ANKRD28: variants seen among roughly 807,000 people sequenced by gnomAD.
ANKRD28 encodes the protein serine/threonine-protein phosphatase 6 regulatory ankyrin repeat subunit A.
In ANKRD28, 44 loss-of-function variants were observed where a neutral mutation model predicts 126.5. That is an observed-to-expected ratio of 0.35 (90% CI 0.27 to 0.45). The LOEUF (loss-of-function observed/expected upper bound fraction) is 0.45. Ranked by LOEUF, ANKRD28 falls within the 20% of genes least tolerant of loss-of-function variation. ANKRD28 has a pLI of 1.00. For missense variants in ANKRD28, 1,110 were observed against 1,316.6 expected (o/e 0.84, Z 2.43); for synonymous variants, 442 against 468.5 (o/e 0.94, Z 0.73).
rs1329616286 is a variant in ANKRD28 at position 15,796,676 on chromosome 3, T to C, written c.-155A>G. On this transcript the variant is annotated 5_prime_UTR_variant, in exon 1 of 28. Coordinates refer to ENST00000683139, the MANE Select transcript of ANKRD28 (RefSeq NM_001349278.2). Reference sequence around the variant, plus strand: ...TTTTTTTAAAGTTAATAAGTACTACTGGAAAAACAAGTTTAAAATTATGAC... The same window carrying C: ...TTTTTTTAAAGTTAATAAGTACTACCGGAAAAACAAGTTTAAAATTATGAC... 1 of 977,826 alleles carries C rather than the reference T, an allele frequency of 1.0e-6. No individual in the cohort carries two copies. The highest frequency in any genetic ancestry group is 1.2e-6 in the Non-Finnish European group (1 of 816,186). 60.6% of individuals were successfully genotyped at this position (977,826 alleles called of 1,614,324 possible).
chr3:15,741,675 A>C (rs1274041267), intron 4 of ANKRD28, among the ~76,000 whole-genome samples: 1 of 122,468 alleles, frequency 8.2e-6, no homozygotes, highest in Non-Finnish European at 1.6e-5. Flanking sequence ...CCACAGTACC[A>C]GTTTTCCCCT....
Position 15,777,369 on chromosome 3 carries a change from A to G in ANKRD28, c.202-11057T>C, listed in dbSNP as rs191024243. On this transcript the variant is annotated intron_variant, in intron 2 of 27. Coordinates refer to ENST00000683139, the MANE Select transcript of ANKRD28 (RefSeq NM_001349278.2). ...CCCATGCCCCCTCCCCAAAGCATCAATTTGGTTCTACACGGAATCAGGAAT... is the reference window on the plus strand; with the variant it reads ...CCCATGCCCCCTCCCCAAAGCATCAGTTTGGTTCTACACGGAATCAGGAAT... Among the ~76,000 whole-genome samples, 10 of 152,270 alleles carry G rather than the reference A, an allele frequency of 6.6e-5. No homozygotes were observed. The East Asian group carries it at 1.7e-3, about 26-fold the overall frequency.
At chr3:15,707,881 T>G in intron 14 of ANKRD28, 43 bp downstream of exon 14, 1 of 1,578,006 alleles carries the variant, frequency 6.3e-7, no homozygotes, top group Non-Finnish European at 8.7e-7. Context: ...GATGCCAGTT[T>G]ATAGAAATAT....
intron 6 of ANKRD28, among the ~76,000 whole-genome samples, chr3:15,727,991 G>A (rs2125038790): frequency 6.6e-6 from 1 of 152,280 alleles, no homozygotes; most frequent in South Asian, 2.1e-4. Context: ...ACATGCTACA[G>A]AGAAATCTTT....
chr3:15,670,685 AACC>A, intron 27 of ANKRD28, 129 bp from the exon 28 acceptor site: 1 of 969,176 alleles, frequency 1.0e-6, no homozygotes, highest in Non-Finnish European at 1.5e-6. Context: ...AAATTGCTGT[AACC>A]AGCATGATTC....
chr3:15,814,509 A>AT lies in ANKRD28; in HGVS notation c.28-19204dup. Among the ~76,000 whole-genome samples the AT allele has an allele frequency of 6.6e-6, 1 of 152,252 alleles. No homozygotes were observed. Among genetic ancestry groups the AT allele is most frequent in the East Asian group, 1.9e-4 (1 of 5,188 alleles). On this transcript the variant is annotated intron_variant, in intron 1 of 27. Coordinates refer to the ANKRD28 transcript ENST00000399451. This position sits in a 1 kb window ranked among gnomAD's most constrained non-coding sequence, Gnocchi z 4.7. Reference sequence around the variant, plus strand: ...AAAATACTAATCTGGGCAACAAAACATTTTTTAAAGGCTTTCTTTATATAT... The same window carrying AT: ...AAAATACTAATCTGGGCAACAAAACATTTTTTTAAAGGCTTTCTTTATATAT...
intron 1 of ANKRD28, among the ~76,000 whole-genome samples, chr3:15,827,308 T>C (rs148512544): frequency 5.3e-5 from 8 of 152,214 alleles, no homozygotes; most frequent in African/African-American, 1.9e-4. Flanking sequence ...CAAAGAGATA[T>C]GTGCACTCAC....
chr3:15,755,456 T>G (rs1285123836), intron 3 of ANKRD28, among the ~76,000 whole-genome samples: 9 of 152,228 alleles, frequency 5.9e-5, no homozygotes, highest in Non-Finnish European at 1.3e-4. Context: ...GTGGGCTGTC[T>G]AAAGCTAAAT....
intron 2 of ANKRD28, among the ~76,000 whole-genome samples, chr3:15,772,932 C>A (rs1189350802): frequency 1.3e-5 from 2 of 152,110 alleles, no homozygotes; most frequent in South Asian, 2.1e-4. Flanking sequence ...AAATCTACAG[C>A]TGACAGGTAA....
At chr3:15,728,292 G>T (rs1195467391) in intron 6 of ANKRD28, among the ~76,000 whole-genome samples, 1 of 151,472 alleles carries the variant, frequency 6.6e-6, no homozygotes, top group Non-Finnish European at 1.5e-5. Flanking sequence ...AACATATTTT[G>T]TAATTAATTA....
chr3:15,735,490 T>C lies in ANKRD28; in HGVS notation c.560A>G (p.Lys187Arg). The change falls in exon 6 of 28, where the codon AAA (lysine) becomes AGA (arginine). Residue 187 changes from lysine (K) to arginine (R), a missense_variant. Physicochemically the swap from Lys to Arg is conservative, Grantham distance 26 (BLOSUM62 2). Transcript: ENST00000683139. ...AAFSGHGEMV[K>R]LLLSRGANIN... ...ATTGGCACCTCTAGACAAGAGTAGT[T>C]TGACCATCTGGAATAGAAGTAAACA... The C allele has an allele frequency of 6.4e-7, 1 of 1,553,206 alleles. No homozygotes were observed. The highest frequency in any genetic ancestry group is 8.7e-7 in the Non-Finnish European group (1 of 1,147,502).
chr3:15,699,467 G>A (rs1156684653), intron 14 of ANKRD28, among the ~76,000 whole-genome samples: 1 of 152,108 alleles, frequency 6.6e-6, no homozygotes, highest in Non-Finnish European at 1.5e-5. Context: ...TCTACAGAAT[G>A]GGAGAAAATT....
chr3:15,786,160 T>C (rs959299068), intron 2 of ANKRD28, among the ~76,000 whole-genome samples: 3 of 152,100 alleles, frequency 2.0e-5, no homozygotes, highest in Admixed American at 6.6e-5. Context: ...GAGTGAACCC[T>C]AATGTAAACT....
rs1282759737 is a variant in ANKRD28, at chr3:15,742,803, C to T, written c.352-5570G>A. On this transcript the variant is annotated intron_variant, in intron 4 of 27. Transcript: ENST00000683139. Reference sequence around the variant, plus strand: ...GCCACCCGGTCCGGGAGGTGAGGGGCGCCTCTGCCCGGCCGCCCCTACTGG... The same window carrying T: ...GCCACCCGGTCCGGGAGGTGAGGGGTGCCTCTGCCCGGCCGCCCCTACTGG... Among the ~76,000 whole-genome samples the T allele has an allele frequency of 3.8e-3, 554 of 145,318 alleles. 1 individual carries two copies. The highest frequency in any genetic ancestry group is 0.018 in the East Asian group (83 of 4,724).
intron 10 of ANKRD28, 63 bp from the exon 11 acceptor site, chr3:15,712,285 T>C: frequency 3.8e-6 from 5 of 1,312,790 alleles, no homozygotes; most frequent in Non-Finnish European, 5.4e-6. Context: ...ATCAGTTAAA[T>C]ACATTACAAA....
intron 1 of ANKRD28, among the ~76,000 whole-genome samples, chr3:15,804,217 A>C (rs1305696485): frequency 6.9e-6 from 1 of 144,816 alleles, no homozygotes; most frequent in Non-Finnish European, 1.5e-5. Context: ...TCTAACCAGT[A>C]CAAGATAAAA....
At chr3:15,796,300 G>T in intron 1 of ANKRD28, 105 bp downstream of exon 1, 2 of 593,030 alleles carry the variant, frequency 3.4e-6, no homozygotes, top group South Asian at 5.5e-5. Flanking sequence ...GCTTTAATTT[G>T]GGTTTGTAAA....
intron 1 of ANKRD28, among the ~76,000 whole-genome samples, chr3:15,855,425 T>G (rs1479058495): frequency 6.6e-6 from 1 of 152,108 alleles, no homozygotes; most frequent in Non-Finnish European, 1.5e-5. Flanking sequence ...AGATGGCTCC[T>G]ACACAAAAAT....
At chr3:15,678,490 A>G in intron 23 of ANKRD28, 136 bp from the exon 24 acceptor site, 1 of 662,730 alleles carries the variant, frequency 1.5e-6, no homozygotes, top group African/African-American at 1.8e-5. Context: ...TACACAAACA[A>G]ATAGGCTCAA....
Sources: gnomAD v4.1 joint callset for allele counts (sites outside exome capture counted in the v4.1 genomes callset) on GRCh38, gnomAD v4.1.1 for gene constraint, Gnocchi (gnomAD v3.1) non-coding constraint, MANE v1.5 for transcripts, NCBI Gene and HGNC (gene_info 2026-07-23, HGNC 2026-07-21) for gene names.